FER: variants seen among roughly 807,000 people sequenced by gnomAD.
FER encodes FER tyrosine kinase, also known as tyrosine-protein kinase Fer.
In FER, 63 loss-of-function variants were observed where a neutral mutation model predicts 111.0. The observed-to-expected ratio is 0.57, with a 90% confidence interval of 0.46 to 0.70. The LOEUF (loss-of-function observed/expected upper bound fraction) is 0.70, where lower values mean the gene tolerates loss of function less well. Ranked by LOEUF, FER falls within the 30% of genes least tolerant of loss-of-function variation. The pLI, the probability that FER is intolerant of heterozygous loss-of-function variation, is 0.00. For missense variants in FER, 914 were observed against 954.0 expected, an observed-to-expected ratio of 0.96 and a Z score of 0.55; for synonymous variants, 327 against 313.9, an observed-to-expected ratio of 1.04 and a Z score of -0.44.
At chr5:108,958,887 T>A (rs1581396718) in intron 12 of FER, among the ~76,000 whole-genome samples, 1 of 152,002 alleles carries the variant, frequency 6.6e-6, no homozygotes, top group East Asian at 1.9e-4. Flanking sequence ...CTCAGGTGTA[T>A]CCCATGCTTT....
At chr5:109,017,725 G>C (rs953980244) in intron 13 of FER, among the ~76,000 whole-genome samples, 1 of 151,694 alleles carries the variant, frequency 6.6e-6, no homozygotes, top group Non-Finnish European at 1.5e-5. Flanking sequence ...TTGTTTATTT[G>C]CTTTAAGATA....
At chr5:109,045,387 A>G (rs1054305930) in intron 15 of FER, among the ~76,000 whole-genome samples, 3 of 151,144 alleles carry the variant, frequency 2.0e-5, no homozygotes, top group Non-Finnish European at 4.4e-5. Flanking sequence ...ATCTTTCTCC[A>G]AAGTTACCTT....
intron 16 of FER, among the ~76,000 whole-genome samples, chr5:109,080,977 G>A (rs1426994657): frequency 6.6e-6 from 1 of 152,080 alleles, no homozygotes; most frequent in Non-Finnish European, 1.5e-5. Flanking sequence ...TTCATGCAAA[G>A]TGTTCAAAGT....
chr5:108,879,725 T>TATATATATATA (rs1298716348), intron 8 of FER, among the ~76,000 whole-genome samples: 16 of 141,408 alleles, frequency 1.1e-4, no homozygotes, highest in South Asian at 2.2e-4. Flanking sequence ...TATATATATA[T>TATATATATATA]TTGAGGCAAA....
chr5:109,171,108 C>T (rs1286267014), intron 17 of FER, among the ~76,000 whole-genome samples: 2 of 152,174 alleles, frequency 1.3e-5, no homozygotes, highest in African/African-American at 4.8e-5. Context: ...TGTAAATTCA[C>T]TTCAAAACAT....
chr5:108,849,454 T>TTG (rs1561510162), intron 5 of FER, among the ~76,000 whole-genome samples: 293 of 146,660 alleles, frequency 2.0e-3, no homozygotes, highest in Middle Eastern at 7.0e-3. Flanking sequence ...TGGTGGTGGT[T>TTG]TTGTTGTTGT....
chr5:109,174,446 G>A, intron 17 of FER, among the ~76,000 whole-genome samples: 1 of 151,942 alleles, frequency 6.6e-6, no homozygotes, highest in East Asian at 1.9e-4. Context: ...TTTAAAAAAG[G>A]GCTCAACATA....
At chr5:109,013,590 T>C (rs1206481396) in intron 13 of FER, among the ~76,000 whole-genome samples, 163 of 150,556 alleles carry the variant, frequency 1.1e-3, no homozygotes, top group South Asian at 6.9e-3. Flanking sequence ...TTTGGGTATA[T>C]ACCCAGTAAT....
intron 9 of FER, among the ~76,000 whole-genome samples, chr5:108,888,373 A>C (rs1489322832): frequency 6.6e-6 from 1 of 151,984 alleles, no homozygotes; most frequent in Non-Finnish European, 1.5e-5. Flanking sequence ...AAACCAACAC[A>C]AAATTAAAAT....
intron 17 of FER, among the ~76,000 whole-genome samples, chr5:109,122,525 A>T (rs1751114628): frequency 6.6e-6 from 1 of 152,048 alleles, no homozygotes; most frequent in African/African-American, 2.4e-5. Context: ...TGCTGAGAAA[A>T]AAAAAAAAGG....
chr5:109,026,745 C>T (rs765414672), intron 13 of FER, among the ~76,000 whole-genome samples: 11 of 152,166 alleles, frequency 7.2e-5, no homozygotes, highest in Non-Finnish European at 1.0e-4. Flanking sequence ...GTGGCCCAAT[C>T]TTGGCTCACT....
intron 2 of FER, among the ~76,000 whole-genome samples, chr5:108,795,605 T>A (rs1755931885): frequency 6.6e-6 from 1 of 152,196 alleles, no homozygotes; most frequent in East Asian, 1.9e-4. Context: ...GTCTTCAAGC[T>A]CACTAATTCT....
chr5:108,759,521 A>G (rs918900443), intron 1 of FER, among the ~76,000 whole-genome samples: 4 of 152,198 alleles, frequency 2.6e-5, no homozygotes, highest in Non-Finnish European at 4.4e-5. Context: ...GTCTTAGTCC[A>G]TTTTGTGCTT....
chr5:108,968,419 G>A (rs1371746594), intron 13 of FER, among the ~76,000 whole-genome samples: 4 of 152,084 alleles, frequency 2.6e-5, no homozygotes, highest in Admixed American at 6.6e-5. Flanking sequence ...CCTGCTGAAT[G>A]TGAAGAATGT....
intron 17 of FER, among the ~76,000 whole-genome samples, chr5:109,113,011 C>T (rs1020174920): frequency 4.6e-5 from 7 of 152,120 alleles, no homozygotes; most frequent in Non-Finnish European, 1.0e-4. Flanking sequence ...AATCCATCTA[C>T]CTGTCAAGCT....
Position 108,837,981 on chromosome 5 carries a change from C to A in FER, c.481+2174C>A, listed in dbSNP as rs185265446. 3.7e-4 allele frequency among the ~76,000 whole-genome samples: 57 copies of A among 152,206 alleles called. No homozygotes were observed. In the East Asian group the frequency reaches 7.3e-3, roughly 20 times the overall value. ...ATTTGATTTCTCACATTAAATCCTA[C>A]AGAATATATAGTTACTTTTAAAATA... On this transcript the variant is annotated intron_variant, in intron 5 of 19. Coordinates refer to ENST00000281092, the MANE Select transcript of FER (RefSeq NM_005246.4).
At chr5:109,158,853 A>G (rs1490435474) in intron 17 of FER, among the ~76,000 whole-genome samples, 2 of 152,140 alleles carry the variant, frequency 1.3e-5, no homozygotes, top group African/African-American at 4.8e-5. Context: ...TCTTAGAATC[A>G]TACCTATTCT....
Position 109,193,266 on chromosome 5 carries a change from T to G in FER, c.*5691T>G, listed in dbSNP as rs1759507548. 1 of 152,142 alleles carries G rather than the reference T, an allele frequency of 6.6e-6. No individual in the cohort carries two copies. The highest frequency in any genetic ancestry group is 1.5e-5 in the Non-Finnish European group (1 of 68,006). 9.4% of individuals were successfully genotyped at this position (152,142 alleles called of 1,614,324 possible). On this transcript the variant is annotated 3_prime_UTR_variant, in exon 20 of 20. Transcript: ENST00000281092. ...CACAACGGTGGTTCAGCCCTCTCCC[T>G]AAGCAGTAGCAAGCTGAGTAATGGC...
intron 17 of FER, among the ~76,000 whole-genome samples, chr5:109,172,093 A>G (rs1757160817): frequency 6.6e-6 from 1 of 152,184 alleles, no homozygotes; most frequent in Non-Finnish European, 1.5e-5. Context: ...TCAGGGATCT[A>G]GAACTAGAAA....
Sources: gnomAD v4.1 joint callset for allele counts (sites outside exome capture counted in the v4.1 genomes callset) on GRCh38, gnomAD v4.1.1 for gene constraint, MANE v1.5 for transcripts, NCBI Gene and HGNC (gene_info 2026-07-23, HGNC 2026-07-21) for gene names.